AK8: variants seen among roughly 807,000 people sequenced by gnomAD.
The protein encoded by AK8 is ATP-AMP transphosphorylase 8.
In AK8, 44 loss-of-function variants were observed where a neutral mutation model predicts 54.6. The observed-to-expected ratio is 0.81, with a 90% CI of 0.63 to 1.04. The LOEUF is 1.04. Ranked by LOEUF, AK8 falls within the 50% of genes least tolerant of loss-of-function variation. AK8 has a pLI of 0.00. For missense variants in AK8, 555 were observed against 613.6 expected, an observed-to-expected ratio of 0.90 and a Z score of 1.01; for synonymous variants, 239 against 245.6, an observed-to-expected ratio of 0.97 and a Z score of 0.25.
intron 5 of AK8, among the ~76,000 whole-genome samples, chr9:132,832,035 C>CTGGGTGACACAG (rs1415303151): frequency 2.3e-5 from 3 of 129,154 alleles, no homozygotes; most frequent in Admixed American, 8.8e-5. Context: ...GCACTCCTGC[C>CTGGGTGACACAG]TGGGTGACAC....
intron 10 of AK8, among the ~76,000 whole-genome samples, chr9:132,812,670 C>T (rs1051747277): frequency 3.3e-5 from 5 of 151,080 alleles, no homozygotes; most frequent in Non-Finnish European, 7.4e-5. Context: ...GGGACCTCTA[C>T]CTCCATCCTG....
At chr9:132,780,453 A>G (rs368571058) in intron 11 of AK8, among the ~76,000 whole-genome samples, 3 of 152,276 alleles carry the variant, frequency 2.0e-5, no homozygotes, top group East Asian at 3.9e-4. Flanking sequence ...AGGTCTGTTT[A>G]GCAAAAGCCA....
intron 11 of AK8, among the ~76,000 whole-genome samples, chr9:132,748,334 G>A (rs1178469030): frequency 6.7e-6 from 1 of 150,138 alleles, no homozygotes; most frequent in Non-Finnish European, 1.5e-5. Flanking sequence ...TGTGGAATCA[G>A]AACTTCATTT....
chr9:132,851,838 A>C (rs1842982425), intron 5 of AK8, among the ~76,000 whole-genome samples: 1 of 152,250 alleles, frequency 6.6e-6, no homozygotes, highest in South Asian at 2.1e-4. Flanking sequence ...AACAAGACCC[A>C]GAGCCTCATA....
chr9:132,814,725 A>G lies in AK8; in HGVS notation c.892T>C (p.Cys298Arg), dbSNP rs760317574. 3 of 1,613,354 alleles carry G rather than the reference A, an allele frequency of 1.9e-6. No homozygotes were observed. The South Asian group carries it at 3.3e-5, about 18-fold the overall frequency. The change falls in exon 10 of 13, where the codon TGC becomes CGC. Residue 298 changes from cysteine to arginine, a missense_variant and splice_region_variant. Physicochemically the swap from Cys to Arg is radical, Grantham distance 180. Coordinates refer to ENST00000298545, the MANE Select transcript of AK8 (RefSeq NM_152572.3). ...LAQKYRLVNV[C>R]CGQLLKEAVA... is the part of the protein sequence containing the mutation. ...GCCTCTTTCAGCAGTTGCCCACAGC[A>G]GACTGAAGGAGAGGGGAACAGAAAG...
chr9:132,765,219 G>A (rs976784715), intron 11 of AK8, among the ~76,000 whole-genome samples: 2 of 150,076 alleles, frequency 1.3e-5, no homozygotes, highest in African/African-American at 4.9e-5. Flanking sequence ...CTTGAGCCCA[G>A]GGGGCGGAGG....
At position 132,725,844 on chromosome 9, in the gene AK8, C is replaced by A. The variant is rs1364279734; in HGVS notation, c.1284G>T (p.Gln428His). 6.2e-7 allele frequency: 1 copy of A among 1,609,312 alleles called. No homozygotes were observed. Among genetic ancestry groups the A allele is most frequent in the East Asian group, 2.2e-5 (1 of 44,776 alleles). ...LLQNPKDAEE[Q>H]VKLKMDLFYR... is the part of the protein sequence containing the mutation. ...AGAACAGGTCCATTTTCAGCTTGACCTGCTCTTCAGCATCCTTTGGGTTCT... is the reference window on the plus strand; with the variant it reads ...AGAACAGGTCCATTTTCAGCTTGACATGCTCTTCAGCATCCTTTGGGTTCT... Residue 428 changes from glutamine (Q) to histidine (H), a missense_variant, in exon 13 of 13, where the codon CAG (glutamine) becomes CAT (histidine). By Grantham distance (24) the Gln-to-His change is conservative. Coordinates refer to ENST00000298545, the MANE Select transcript of AK8 (RefSeq NM_152572.3).
At chr9:132,810,592 G>T (rs1430977923) in intron 10 of AK8, among the ~76,000 whole-genome samples, 1 of 152,162 alleles carries the variant, frequency 6.6e-6, no homozygotes, top group Non-Finnish European at 1.5e-5. Flanking sequence ...GCCCATATCT[G>T]ATGATTAATT....
chr9:132,867,886 G>A (rs757363776), intron 2 of AK8, among the ~76,000 whole-genome samples: 2 of 152,254 alleles, frequency 1.3e-5, no homozygotes, highest in Non-Finnish European at 2.9e-5. Flanking sequence ...GAGCTAGAGT[G>A]GCTGCTGGCG....
At chr9:132,873,810 A>T (rs1240618820) in intron 2 of AK8, among the ~76,000 whole-genome samples, 1 of 152,170 alleles carries the variant, frequency 6.6e-6, no homozygotes, top group East Asian at 1.9e-4. Flanking sequence ...CTAGGTCTGC[A>T]GCAGTAAGGA....
chr9:132,826,996 CA>C lies in AK8; in HGVS notation c.614del (p.Met205ArgfsTer50). On this transcript the variant is annotated frameshift_variant, in exon 8 of 13. Coordinates refer to ENST00000298545, the MANE Select transcript of AK8 (RefSeq NM_152572.3). LOFTEE classifies it high-confidence loss of function. The surrounding 1 kb of genome is among the most constrained non-coding windows in gnomAD (Gnocchi z 4.5). ...PPESEIQNRL[M>X]VPEDISELET... is the part of the protein sequence containing the mutation. Reference sequence around the variant, plus strand: ...CCAGCTCTGAGATGTCCTCTGGCACCATGAGACGGTTCTGGATTTCAGATTC... The same window carrying C: ...CCAGCTCTGAGATGTCCTCTGGCACCTGAGACGGTTCTGGATTTCAGATTC... The C allele has an allele frequency of 6.2e-7, 1 of 1,614,260 alleles. No homozygotes were observed. Among genetic ancestry groups the C allele is most frequent in the Admixed American group, 1.7e-5 (1 of 60,032 alleles).
At chr9:132,734,103 T>A (rs1836987114) in intron 11 of AK8, among the ~76,000 whole-genome samples, 1 of 152,106 alleles carries the variant, frequency 6.6e-6, no homozygotes, top group African/African-American at 2.4e-5. Context: ...GTAGGCACAT[T>A]AAGGTTGGAG....
intron 2 of AK8, among the ~76,000 whole-genome samples, chr9:132,869,182 A>AATATCT (rs954454756): frequency 8.5e-5 from 13 of 152,308 alleles, no homozygotes; most frequent in African/African-American, 2.6e-4. Context: ...TTCGTCTCAA[A>AATATCT]ATATCTATAT....
intron 5 of AK8, among the ~76,000 whole-genome samples, chr9:132,839,368 T>TG (rs1165730660): frequency 6.6e-6 from 1 of 152,218 alleles, no homozygotes; most frequent in Non-Finnish European, 1.5e-5. Flanking sequence ...CAATGAGTCA[T>TG]GGGGCAAAGT....
In AK8 at chr9:132,828,687, C is replaced by A; in HGVS notation, c.442G>T (p.Ala148Ser). ...ATCCCCAGGGTCTGGATCCTCAGAG[C>A]CTGCTCACGCGTCTCAGGGATGCCA... ...LDGIPETREQALRIQTLGITP... is the reference protein window; with the variant it reads ...LDGIPETREQSLRIQTLGITP... The change falls in exon 6 of 13, where the codon GCT becomes TCT. Residue 148 changes from alanine (A) to serine (S), a missense_variant. Ala to Ser is a moderately conservative substitution (Grantham distance 99, BLOSUM62 1). Transcript: ENST00000298545. 1 of 1,612,684 alleles carries A rather than the reference C, an allele frequency of 6.2e-7. No homozygotes were observed. The highest frequency in any genetic ancestry group is 8.5e-7 in the Non-Finnish European group (1 of 1,179,136).
intron 11 of AK8, among the ~76,000 whole-genome samples, chr9:132,774,905 CT>C (rs1247391416): frequency 3.3e-5 from 5 of 152,174 alleles, no homozygotes; most frequent in African/African-American, 9.7e-5. Flanking sequence ...CACTGGGCCC[CT>C]AATAAGAGCT....
chr9:132,794,621 CA>C (rs1298673430), intron 10 of AK8, among the ~76,000 whole-genome samples: 1 of 152,210 alleles, frequency 6.6e-6, no homozygotes, highest in Non-Finnish European at 1.5e-5. Flanking sequence ...CCCATAATAA[CA>C]AAGAACCATG....
At chr9:132,748,430 G>A (rs1453036306) in intron 11 of AK8, among the ~76,000 whole-genome samples, 1 of 151,688 alleles carries the variant, frequency 6.6e-6, no homozygotes, top group African/African-American at 2.4e-5. Context: ...TTTCACCCAG[G>A]TGCCAGCCTC....
chr9:132,766,222 C>A (rs1005626627), intron 11 of AK8, among the ~76,000 whole-genome samples: 8 of 152,170 alleles, frequency 5.3e-5, no homozygotes. Context: ...AGCAATCCTC[C>A]CACCTCAGCC....
Sources: gnomAD v4.1 joint callset for allele counts (sites outside exome capture counted in the v4.1 genomes callset) on GRCh38, gnomAD v4.1.1 for gene constraint, Gnocchi (gnomAD v3.1) non-coding constraint, MANE v1.5 for transcripts, NCBI Gene and HGNC (gene_info 2026-07-23, HGNC 2026-07-21) for gene names.